PIP4K2A: variants seen among roughly 807,000 people sequenced by gnomAD.
PIP4K2A encodes the protein phosphatidylinositol-5-phosphate 4-kinase type 2 alpha.
PIP4K2A carries 14 observed loss-of-function variants against 42.9 expected under a neutral mutation model. That is an observed-to-expected ratio of 0.33 (90% CI 0.22 to 0.51). The LOEUF is 0.51. Among genes scored for constraint, PIP4K2A ranks in the 20% least tolerant of loss-of-function variants. The pLI is 0.97. For synonymous variants in PIP4K2A, 192 were observed against 192.2 expected, an observed-to-expected ratio of 1.00 and a Z score of 0.01; for missense variants, 434 against 519.8, an observed-to-expected ratio of 0.83 and a Z score of 1.61.
At chr10:22,556,385 G>C (rs1472754677) in intron 6 of PIP4K2A, among the ~76,000 whole-genome samples, 2 of 152,144 alleles carry the variant, frequency 1.3e-5, no homozygotes, top group African/African-American at 4.8e-5. Flanking sequence ...TCACTGAAAA[G>C]ACCTTTTGTT....
At chr10:22,640,014 CT>C (rs71395806) in intron 1 of PIP4K2A, among the ~76,000 whole-genome samples, 12,117 of 90,400 alleles carry the variant, frequency 0.13, 715 homozygotes, top group Non-Finnish European at 0.15. Context: ...GATGTGTTGT[CT>C]TTTTTTTTTT....
chr10:22,708,912 A>G (rs1588719531), intron 1 of PIP4K2A, among the ~76,000 whole-genome samples: 1 of 152,162 alleles, frequency 6.6e-6, no homozygotes, highest in African/African-American at 2.4e-5. Flanking sequence ...CCTCCTGAGT[A>G]GTTCAGGCTA....
At chr10:22,688,030 G>A (rs1839796232) in intron 1 of PIP4K2A, among the ~76,000 whole-genome samples, 1 of 152,090 alleles carries the variant, frequency 6.6e-6, no homozygotes, top group Non-Finnish European at 1.5e-5. Context: ...AAAAGAAATA[G>A]GGGAAAAAAT....
At chr10:22,703,222 A>C (rs2130919358) in intron 1 of PIP4K2A, among the ~76,000 whole-genome samples, 1 of 152,134 alleles carries the variant, frequency 6.6e-6, no homozygotes, top group African/African-American at 2.4e-5. Flanking sequence ...CCTGGGCAAC[A>C]CAGCGAGACC....
chr10:22,698,484 TAAGA>T (rs1840012680), intron 1 of PIP4K2A, among the ~76,000 whole-genome samples: 1 of 152,152 alleles, frequency 6.6e-6, no homozygotes, highest in Non-Finnish European at 1.5e-5. Context: ...TCATCCTAAA[TAAGA>T]AAGAGTTTCA....
chr10:22,593,930 T>C (rs1391817765), intron 3 of PIP4K2A, among the ~76,000 whole-genome samples: 1 of 152,188 alleles, frequency 6.6e-6, no homozygotes, highest in African/African-American at 2.4e-5. Flanking sequence ...GTTTCATAGA[T>C]CGTTTTCTTA....
At chr10:22,705,948 T>C (rs1833815821) in intron 1 of PIP4K2A, among the ~76,000 whole-genome samples, 2 of 151,904 alleles carry the variant, frequency 1.3e-5, no homozygotes, top group Non-Finnish European at 2.9e-5. Flanking sequence ...CTTACGATCA[T>C]GGCAGAAGGG....
chr10:22,627,383 A>G (rs1838461801), intron 1 of PIP4K2A, among the ~76,000 whole-genome samples: 1 of 151,990 alleles, frequency 6.6e-6, no homozygotes, highest in Admixed American at 6.6e-5. Context: ...ACATATTCCT[A>G]GGAACAGCAT....
At chr10:22,688,224 G>A (rs1019774358) in intron 1 of PIP4K2A, among the ~76,000 whole-genome samples, 1 of 152,092 alleles carries the variant, frequency 6.6e-6, no homozygotes, top group African/African-American at 2.4e-5. Context: ...CAGTAAGAAA[G>A]CGACATGAAG....
At chr10:22,708,883 G>T (rs917443905) in intron 1 of PIP4K2A, among the ~76,000 whole-genome samples, 2 of 152,204 alleles carry the variant, frequency 1.3e-5, no homozygotes, top group Non-Finnish European at 2.9e-5. Flanking sequence ...CCTGGACTCA[G>T]ATGATCCTCC....
At chr10:22,708,687 G>A (rs1425592220) in intron 1 of PIP4K2A, among the ~76,000 whole-genome samples, 5 of 152,168 alleles carry the variant, frequency 3.3e-5, no homozygotes, top group Non-Finnish European at 5.9e-5. Flanking sequence ...TATGTAGCCT[G>A]TGGACCTGCA....
At chr10:22,562,076 C>G (rs1453048107) in intron 6 of PIP4K2A, among the ~76,000 whole-genome samples, 2 of 151,636 alleles carry the variant, frequency 1.3e-5, no homozygotes, top group African/African-American at 4.9e-5. Context: ...ATAGCATTTT[C>G]CCCCCCGATG....
At chr10:22,633,603 G>A (rs1276510973) in intron 1 of PIP4K2A, among the ~76,000 whole-genome samples, 1 of 152,070 alleles carries the variant, frequency 6.6e-6, no homozygotes, top group East Asian at 1.9e-4. Context: ...GGGGACCTTG[G>A]GGCAAGAAAC....
intron 1 of PIP4K2A, among the ~76,000 whole-genome samples, chr10:22,663,489 T>C (rs539750553): frequency 6.6e-6 from 1 of 152,324 alleles, no homozygotes; most frequent in South Asian, 2.1e-4. Context: ...GTAACACATG[T>C]TCATTGCAGA....
At chr10:22,582,695 AAAGGGAAAGGAAGGGAAGGAAAAGG>A (rs1237311728) in intron 4 of PIP4K2A, among the ~76,000 whole-genome samples, 1 of 152,136 alleles carries the variant, frequency 6.6e-6, no homozygotes, top group Non-Finnish European at 1.5e-5. Context: ...AAAGAAAAGG[AAAGGGAAAGGAAGGGAAGGAAAAGG>A]AAGGGAAAGG....
chr10:22,557,575 T>C (rs950371477), intron 6 of PIP4K2A, among the ~76,000 whole-genome samples: 2 of 152,252 alleles, frequency 1.3e-5, no homozygotes, highest in African/African-American at 2.4e-5. Context: ...TATTGGATAT[T>C]CTAAGGTTTA....
At chr10:22,712,530 C>T (rs886857200) in intron 1 of PIP4K2A, among the ~76,000 whole-genome samples, 1 of 152,018 alleles carries the variant, frequency 6.6e-6, no homozygotes, top group Admixed American at 6.6e-5. Context: ...TAATAAGGGA[C>T]CCAAAAACTA....
rs756937844 is a variant in PIP4K2A at position 22,607,996 on chromosome 10, A to C, written c.270T>G (p.Phe90Leu). 4 of 1,612,230 alleles carry C rather than the reference A, an allele frequency of 2.5e-6. No individual in the cohort carries two copies. Among genetic ancestry groups the C allele is most frequent in the African/African-American group, 1.3e-5 (1 of 74,902 alleles). The change falls in exon 3 of 10, where the codon TTT (phenylalanine) becomes TTG (leucine). Residue 90 changes from phenylalanine to leucine, a missense_variant. Coordinates refer to ENST00000376573, the MANE Select transcript of PIP4K2A (RefSeq NM_005028.5). ...NKENMPSHFK[F>L]KEYCPMVFRN... is the part of the protein sequence containing the mutation. ...GGAAGACCATCGGGCAGTATTCCTTAAACTTGAAATGGCTCGGCATGTTTT... is the reference window on the plus strand; with the variant it reads ...GGAAGACCATCGGGCAGTATTCCTTCAACTTGAAATGGCTCGGCATGTTTT...
intron 1 of PIP4K2A, among the ~76,000 whole-genome samples, chr10:22,669,993 G>A (rs1364280926): frequency 6.6e-6 from 1 of 152,112 alleles, no homozygotes; most frequent in Non-Finnish European, 1.5e-5. Context: ...AGAGCCCCAG[G>A]CTACCATGAC....
Sources: allele counts gnomAD v4.1 joint callset (sites outside exome capture counted in the v4.1 genomes callset), GRCh38; gene constraint gnomAD v4.1.1; transcripts MANE v1.5; gene names NCBI Gene and HGNC (gene_info 2026-07-23, HGNC 2026-07-21).